DOCK9: variants seen among roughly 807,000 people sequenced by gnomAD.
DOCK9 encodes the protein dedicator of cytokinesis protein 9.
A neutral mutation model predicts 263.3 loss-of-function variants in DOCK9; 89 were observed. The observed-to-expected ratio is 0.34, with a 90% CI of 0.28 to 0.40. The LOEUF (loss-of-function observed/expected upper bound fraction) is 0.40. Among genes scored for constraint, DOCK9 ranks in the 10% least tolerant of loss-of-function variants. DOCK9 has a pLI of 1.00. For missense variants in DOCK9, 2,140 were observed against 2,603.4 expected, an observed-to-expected ratio of 0.82 and a Z score of 3.87; for synonymous variants, 976 against 973.1, an observed-to-expected ratio of 1.00 and a Z score of -0.06.
chr13:99,069,088 G>C (rs2041558385), intron 1 of DOCK9, among the ~76,000 whole-genome samples: 1 of 152,152 alleles, frequency 6.6e-6, no homozygotes, highest in South Asian at 2.1e-4. Flanking sequence ...AAATGACCTA[G>C]ATTAACAGAG....
chr13:98,884,881 T>G, intron 21 of DOCK9, 90 bp downstream of exon 21: 1 of 1,415,674 alleles, frequency 7.1e-7, no homozygotes, highest in Non-Finnish European at 9.6e-7. Flanking sequence ...GCAAAAATAC[T>G]GTTTGCTTTT....
chr13:99,036,057 C>T (rs146796989), intron 1 of DOCK9, among the ~76,000 whole-genome samples: 5 of 152,238 alleles, frequency 3.3e-5, no homozygotes, highest in African/African-American at 4.8e-5. Context: ...ACCCTAGCCT[C>T]GCAATTTTGG....
intron 2 of DOCK9, among the ~76,000 whole-genome samples, chr13:98,936,623 C>CAA (rs1189746396): frequency 2.1e-5 from 1 of 47,516 alleles, no homozygotes; most frequent in Non-Finnish European, 4.9e-5. Context: ...CTGTCTCAAA[C>CAA]AAAAAAAAAA....
At chr13:99,081,212 T>G (rs1384384989) in intron 1 of DOCK9, among the ~76,000 whole-genome samples, 1 of 152,078 alleles carries the variant, frequency 6.6e-6, no homozygotes, top group Non-Finnish European at 1.5e-5. Flanking sequence ...AAAACGAGAT[T>G]TTACCTTACT....
intron 1 of DOCK9, among the ~76,000 whole-genome samples, chr13:98,967,388 T>C (rs900402968): frequency 4.0e-4 from 61 of 152,194 alleles, no homozygotes; most frequent in African/African-American, 1.4e-3. Flanking sequence ...ATTGTCTCAT[T>C]AAACCTCCCC....
At chr13:99,081,014 C>G (rs549822399) in intron 1 of DOCK9, among the ~76,000 whole-genome samples, 21 of 152,284 alleles carry the variant, frequency 1.4e-4, no homozygotes, top group African/African-American at 4.8e-4. Context: ...TACTAATAAT[C>G]AAAAGGACTA....
At chr13:98,912,769 A>T (rs2050262988) in intron 9 of DOCK9, among the ~76,000 whole-genome samples, 1 of 152,140 alleles carries the variant, frequency 6.6e-6, no homozygotes, top group Non-Finnish European at 1.5e-5. Flanking sequence ...CTCAAATAAC[A>T]TGAATCTTCT....
rs1435578827 is a variant in DOCK9 at position 98,846,425 on chromosome 13, CAT to C, written c.4062-367_4062-366del. 4 of 1,040,926 alleles carry C rather than the reference CAT, an allele frequency of 3.8e-6. No individual in the cohort carries two copies. In the African/African-American group the frequency reaches 6.7e-5, roughly 17 times the overall value. The allele number at this position is 1,040,926 out of a possible 1,614,324, so 64.5% of individuals were successfully genotyped here. ...ATATATGTTCTGAAAAAGCAAAAGA[CAT>C]GTATTTTTTTTAATTAAAAAATGCA... On this transcript the variant is annotated intron_variant, in intron 37 of 52. Coordinates refer to ENST00000682017, the MANE Select transcript of DOCK9 (RefSeq NM_001366683.2).
chr13:99,007,484 A>G (rs1462041636), intron 1 of DOCK9, among the ~76,000 whole-genome samples: 1 of 152,248 alleles, frequency 6.6e-6, no homozygotes, highest in Non-Finnish European at 1.5e-5. Flanking sequence ...AGAAATAGAA[A>G]TCAACTTCAG....
intron 1 of DOCK9, among the ~76,000 whole-genome samples, chr13:99,082,095 T>C (rs970305412): frequency 2.6e-5 from 4 of 152,144 alleles, no homozygotes; most frequent in Non-Finnish European, 4.4e-5. Flanking sequence ...GGTGCATGCC[T>C]GTAATCCCAG....
At chr13:99,016,066 G>T (rs1410342796) in intron 1 of DOCK9, 1 of 153,104 alleles carries the variant, frequency 6.5e-6, no homozygotes, top group Admixed American at 6.5e-5. Flanking sequence ...GAGGCACAAA[G>T]AATGTTCATC....
At chr13:98,914,737 G>C (rs1343933987) in intron 8 of DOCK9, among the ~76,000 whole-genome samples, 3 of 152,176 alleles carry the variant, frequency 2.0e-5, no homozygotes, top group African/African-American at 7.2e-5. Context: ...TCTTTTGTGG[G>C]ACCAGGTAAA....
At chr13:99,019,205 G>C (rs1007600495) in intron 1 of DOCK9, among the ~76,000 whole-genome samples, 3 of 152,176 alleles carry the variant, frequency 2.0e-5, no homozygotes, top group Non-Finnish European at 2.9e-5. Context: ...AAGCAGATTA[G>C]TGATTATGGA....
chr13:98,915,158 AGT>A (rs3029372), intron 8 of DOCK9, among the ~76,000 whole-genome samples, 169 bp downstream of exon 8: 19,339 of 152,134 alleles, frequency 0.13, 1,312 homozygotes, highest in South Asian at 0.2. Context: ...ATGTCAGGGA[AGT>A]AAGTTATAAT....
chr13:98,863,453 A>T lies in DOCK9; in HGVS notation c.3382T>A (p.Phe1128Ile). ...ATGGCGATCAGACGGACCTCCCGGA[A>T]CTCCTGGAGGGCTGTCCCCACCTCC... ...LREVGTALQE[F>I]REVRLIAISV... is the part of the protein sequence containing the mutation. Residue 1128 changes from phenylalanine to isoleucine, a missense_variant, in exon 31 of 53, where the codon TTC becomes ATC. Phe to Ile is a conservative substitution (Grantham distance 21). Around this residue, in one of 2 missense-constraint regions of DOCK9, gnomAD observed 1,521 missense variants for 1,741.7 expected, o/e 0.87. Coordinates refer to ENST00000682017, the MANE Select transcript of DOCK9 (RefSeq NM_001366683.2). 6.2e-7 allele frequency: 1 copy of T among 1,613,878 alleles called. No homozygotes were observed. Among genetic ancestry groups the T allele is most frequent in the Non-Finnish European group, 8.5e-7 (1 of 1,179,858 alleles).
At chr13:99,071,253 C>G (rs1019144605) in intron 1 of DOCK9, among the ~76,000 whole-genome samples, 1 of 150,926 alleles carries the variant, frequency 6.6e-6, no homozygotes, top group Non-Finnish European at 1.5e-5. Flanking sequence ...AGCCATCCTC[C>G]CACTTCAGCC....
upstream of DOCK9, among the ~76,000 whole-genome samples, chr13:98,980,780 T>C (rs150725118): frequency 7.1e-4 from 108 of 152,346 alleles, no homozygotes; most frequent in African/African-American, 2.3e-3. Context: ...GCATCAACCA[T>C]TCTTCCCTCT....
In DOCK9 at chr13:98,825,338, A is replaced by G. The variant is rs2140757736; in HGVS notation, c.5024-834T>C. On this transcript the variant is annotated intron_variant, in intron 44 of 52. Coordinates refer to ENST00000682017, the MANE Select transcript of DOCK9 (RefSeq NM_001366683.2). This position sits in a 1 kb window ranked among gnomAD's most constrained non-coding sequence, Gnocchi z 4.1. ...TTTTGAGATAACTGTTCACAATAAA[A>G]TAAAACAGAAGTAAAAACTTGAATT... Among the ~76,000 whole-genome samples, 1 of 152,340 alleles carries G rather than the reference A, an allele frequency of 6.6e-6. No homozygotes were observed. Among genetic ancestry groups the G allele is most frequent in the East Asian group, 1.9e-4 (1 of 5,186 alleles).
At chr13:98,816,350 G>A (rs966383581) in intron 45 of DOCK9, among the ~76,000 whole-genome samples, 17 of 152,066 alleles carry the variant, frequency 1.1e-4, no homozygotes, top group Non-Finnish European at 1.6e-4. Flanking sequence ...GGTAAGACAC[G>A]GAGGACAGAG....
Sources: gnomAD v4.1 joint callset for allele counts (sites outside exome capture counted in the v4.1 genomes callset) on GRCh38, gnomAD v4.1.1 for gene constraint, gnomAD v4.1.1 regional missense constraint, Gnocchi (gnomAD v3.1) non-coding constraint, MANE v1.5 for transcripts, NCBI Gene and HGNC (gene_info 2026-07-23, HGNC 2026-07-21) for gene names.